Variants in MAGI2 observed in about 807,000 individuals in gnomAD.
The protein encoded by MAGI2 is membrane associated guanylate kinase, WW and PDZ domain containing 2.
A neutral mutation model predicts 133.3 loss-of-function variants in MAGI2; 35 were observed. The observed-to-expected ratio is 0.26, with a 90% confidence interval of 0.20 to 0.35. MAGI2 has a LOEUF of 0.35. MAGI2 is among the 10% of genes least tolerant of loss of function. The probability of loss-of-function intolerance (pLI) is 1.00; values close to 1 mark genes in which losing one functional copy is unlikely to be tolerated. For missense variants in MAGI2, 1,636 were observed against 1,863.4 expected, an observed-to-expected ratio of 0.88 and a Z score of 2.25; for synonymous variants, 729 against 710.6, an observed-to-expected ratio of 1.03 and a Z score of -0.41.
At chr7:78,066,800 T>C (rs1404100557) in intron 21 of MAGI2, among the ~76,000 whole-genome samples, 1 of 152,226 alleles carries the variant, frequency 6.6e-6, no homozygotes, top group Non-Finnish European at 1.5e-5. Flanking sequence ...AAGGGGGATG[T>C]GCTCATTGTG....
chr7:78,058,458 T>C (rs1486255774), intron 21 of MAGI2, among the ~76,000 whole-genome samples: 1 of 148,148 alleles, frequency 6.8e-6, no homozygotes, highest in East Asian at 2.0e-4. Context: ...ATTTGAATGT[T>C]CACATACATC....
intron 2 of MAGI2, among the ~76,000 whole-genome samples, chr7:78,936,894 A>T (rs1406286801): frequency 1.3e-5 from 2 of 152,090 alleles, no homozygotes; most frequent in Non-Finnish European, 2.9e-5. Context: ...GAATATAAAC[A>T]TATATGCCTG....
At chr7:79,180,447 G>A (rs963482474) in intron 1 of MAGI2, among the ~76,000 whole-genome samples, 14 of 151,968 alleles carry the variant, frequency 9.2e-5, no homozygotes, top group Non-Finnish European at 5.9e-5. Context: ...CAAAAAGAGA[G>A]CCTGCGCAAA....
intron 2 of MAGI2, among the ~76,000 whole-genome samples, chr7:78,908,996 C>CA (rs1203531530): frequency 2.0e-5 from 3 of 151,062 alleles, no homozygotes; most frequent in Admixed American, 1.3e-4. Flanking sequence ...TTCTGCACAG[C>CA]AAAAGAAACT....
At position 78,573,365 on chromosome 7, in the gene MAGI2, A is replaced by AAAATATATAT. The variant is rs1320390413; in HGVS notation, c.539-51721_539-51720insATATATATTT. Among the ~76,000 whole-genome samples the AAAATATATAT allele has an allele frequency of 8.3e-4, 24 of 29,034 alleles. 1 individual carries two copies. The highest frequency in any genetic ancestry group is 1.7e-3 in the African/African-American group (9 of 5,412). 19.0% of individuals were successfully genotyped at this position (29,034 alleles called of 152,430 possible). The stretch of plus-strand genomic sequence containing the variant: ...ATATATAGAGAGAGAGAATCCTGGA[A>AAAATATATAT]ATATATATATATATATATATATATA... On this transcript the variant is annotated intron_variant, in intron 3 of 21. Transcript: ENST00000354212.
intron 2 of MAGI2, among the ~76,000 whole-genome samples, chr7:78,969,739 G>A (rs1466838111): frequency 2.6e-5 from 4 of 152,056 alleles, no homozygotes; most frequent in African/African-American, 4.8e-5. Flanking sequence ...AGAAAAAGCA[G>A]TTGACTCGAA....
intron 2 of MAGI2, chr7:78,903,944 A>C (rs1263884930): frequency 6.6e-6 from 1 of 152,210 alleles, no homozygotes; most frequent in Non-Finnish European, 1.5e-5. Context: ...AACCCTTGAG[A>C]GCTGCACAGA....
chr7:78,187,289 T>C (rs1260437240), intron 12 of MAGI2, among the ~76,000 whole-genome samples: 1 of 152,120 alleles, frequency 6.6e-6, no homozygotes, highest in Non-Finnish European at 1.5e-5. Context: ...CCATTATTAT[T>C]ATTTTGGTCT....
At chr7:78,442,578 C>G (rs1174138417) in intron 6 of MAGI2, among the ~76,000 whole-genome samples, 1 of 152,146 alleles carries the variant, frequency 6.6e-6, no homozygotes. Context: ...GCTGCATTTA[C>G]CCAGTGGATC....
intron 2 of MAGI2, among the ~76,000 whole-genome samples, chr7:78,938,703 A>T (rs776202329): frequency 1.3e-5 from 2 of 152,130 alleles, no homozygotes; most frequent in Non-Finnish European, 2.9e-5. Flanking sequence ...TAATCTCTTT[A>T]TGCCATGTAC....
intron 1 of MAGI2, among the ~76,000 whole-genome samples, chr7:79,200,572 C>T (rs1343797522): frequency 6.6e-6 from 1 of 150,824 alleles, no homozygotes; most frequent in African/African-American, 2.5e-5. Flanking sequence ...GATCATGCCA[C>T]TGAACTGCAG....
intron 2 of MAGI2, among the ~76,000 whole-genome samples, chr7:78,968,820 A>G (rs1445713643): frequency 6.6e-6 from 1 of 152,064 alleles, no homozygotes; most frequent in African/African-American, 2.4e-5. Context: ...TTAAGGGGAG[A>G]AAAAAGATTC....
chr7:79,281,980 C>T (rs1034367986), intron 1 of MAGI2, among the ~76,000 whole-genome samples: 18 of 152,050 alleles, frequency 1.2e-4, no homozygotes, highest in African/African-American at 4.3e-4. Flanking sequence ...CAATTATTTC[C>T]ACTATAAATC....
intron 2 of MAGI2, among the ~76,000 whole-genome samples, chr7:78,696,918 A>G (rs909476678): frequency 6.6e-6 from 1 of 152,198 alleles, no homozygotes; most frequent in Non-Finnish European, 1.5e-5. Context: ...CTCCAGTTCT[A>G]GAGACCACCA....
At chr7:79,005,946 C>T (rs1291438081) in intron 2 of MAGI2, among the ~76,000 whole-genome samples, 1 of 152,104 alleles carries the variant, frequency 6.6e-6, no homozygotes, top group Non-Finnish European at 1.5e-5. Context: ...CAAGTATTCT[C>T]ATTTAGGAAG....
At chr7:79,077,332 C>T (rs1489991091) in intron 1 of MAGI2, among the ~76,000 whole-genome samples, 1 of 151,364 alleles carries the variant, frequency 6.6e-6, no homozygotes, top group Non-Finnish European at 1.5e-5. Flanking sequence ...CCGAGGCGGG[C>T]GGATCACGAG....
intron 1 of MAGI2, among the ~76,000 whole-genome samples, chr7:79,140,201 C>T (rs771586077): frequency 6.6e-6 from 1 of 152,162 alleles, no homozygotes; most frequent in Non-Finnish European, 1.5e-5. Context: ...TTTTATTTGT[C>T]ACTGTGGAGA....
chr7:78,108,576 A>G (rs1431007449), intron 20 of MAGI2, among the ~76,000 whole-genome samples: 1 of 151,814 alleles, frequency 6.6e-6, no homozygotes, highest in African/African-American at 2.4e-5. Flanking sequence ...CAGGGTGTTG[A>G]GATTTCCACC....
intron 2 of MAGI2, among the ~76,000 whole-genome samples, chr7:78,827,089 T>C (rs933418637): frequency 2.0e-5 from 3 of 152,100 alleles, no homozygotes; most frequent in Non-Finnish European, 4.4e-5. Flanking sequence ...TACAGCTTCA[T>C]ATAGATACAT....
Sources: gnomAD v4.1 joint callset for allele counts (sites outside exome capture counted in the v4.1 genomes callset) on GRCh38, gnomAD v4.1.1 for gene constraint, MANE v1.5 for transcripts, NCBI Gene and HGNC (gene_info 2026-07-23, HGNC 2026-07-21) for gene names.